The following ZNF560 variants were observed in gnomAD, a reference collection of about 807,000 sequenced individuals.
ZNF560 encodes zinc finger protein 560.
ZNF560 carries 54 observed loss-of-function variants against 81.8 expected under a neutral mutation model. The observed-to-expected ratio is 0.66, with a 90% CI of 0.53 to 0.83. The LOEUF (loss-of-function observed/expected upper bound fraction) is 0.83. Ranked by LOEUF, ZNF560 falls within the 40% of genes least tolerant of loss-of-function variation. The pLI is 0.00. For synonymous variants in ZNF560, 321 were observed against 317.9 expected, an observed-to-expected ratio of 1.01 and a Z score of -0.10; for missense variants, 940 against 932.4, an observed-to-expected ratio of 1.01 and a Z score of -0.11.
In ZNF560 at chr19:9,467,332, T is replaced by C; in HGVS notation, c.1615A>G (p.Thr539Ala). ...ACLRIHMRTH[T>A]EERLYQCKKC... ...TTACATTGATAGAGTCTCTCTTCTG[T>C]GTGAGTTCGCATGTGAATACGAAGA... Residue 539 changes from threonine to alanine, a missense_variant, in exon 10 of 10, where the codon ACA becomes GCA. Transcript: ENST00000301480. The C allele has an allele frequency of 4.3e-6, 7 of 1,614,180 alleles. No homozygotes were observed. The highest frequency in any genetic ancestry group is 5.9e-6 in the Non-Finnish European group (7 of 1,180,030).
the ZNF560 span, among the ~76,000 whole-genome samples, chr19:9,448,140 C>T: frequency 6.6e-6 from 1 of 152,134 alleles, no homozygotes; most frequent in Admixed American, 6.5e-5. Context: ...ATAAACATTT[C>T]TAGAGACAAG....
chr19:9,503,732 G>A, the ZNF560 span, among the ~76,000 whole-genome samples: 1 of 151,948 alleles, frequency 6.6e-6, no homozygotes, highest in Admixed American at 6.6e-5. Context: ...AGAGACAGGG[G>A]TTCACTATGT....
Position 9,470,476 on chromosome 19 carries a change from C to G in ZNF560, c.364G>C (p.Glu122Gln), listed in dbSNP as rs778879413. 36 of 1,614,034 alleles carry G rather than the reference C, an allele frequency of 2.2e-5. No individual in the cohort carries two copies. In the Middle Eastern group the frequency reaches 6.6e-4, roughly 29 times the overall value. ...GCTGGGTCCAGTAAAGTCCACTCTT[C>G]CTGGGTGAACTCCACAGCCACACTG... The part of the protein sequence containing the change: ...FDSVAVEFTQ[E>Q]EWTLLDPAQR... The change falls in exon 7 of 10, where the codon GAA becomes CAA. Residue 122 changes from glutamate (E) to glutamine (Q), a missense_variant. Glu to Gln is a conservative substitution (Grantham distance 29). Coordinates refer to ENST00000301480, the MANE Select transcript of ZNF560 (RefSeq NM_152476.3).
At chr19:9,449,456 GGCAA>G in the ZNF560 span, among the ~76,000 whole-genome samples, 1 of 151,972 alleles carries the variant, frequency 6.6e-6, no homozygotes, top group African/African-American at 2.4e-5. Context: ...AATTAATGAA[GGCAA>G]AAAAACAAGA....
intron 2 of ZNF560, among the ~76,000 whole-genome samples, chr19:9,481,200 G>C (rs1171821802): frequency 6.6e-6 from 1 of 152,108 alleles, no homozygotes; most frequent in Non-Finnish European, 1.5e-5. Context: ...AAATGGTGCT[G>C]GGAAAACTGG....
the ZNF560 span, among the ~76,000 whole-genome samples, chr19:9,455,226 G>A: frequency 2.0e-5 from 3 of 152,110 alleles, no homozygotes; most frequent in African/African-American, 7.2e-5. Flanking sequence ...GTTTAAACAG[G>A]CTATCAATCA....
intron 2 of ZNF560, among the ~76,000 whole-genome samples, chr19:9,478,867 C>A (rs2073242443): frequency 6.6e-6 from 1 of 151,574 alleles, no homozygotes; most frequent in African/African-American, 2.4e-5. Flanking sequence ...AAAAAAAAAC[C>A]CCACAAAACT....
At chr19:9,453,471 G>T in the ZNF560 span, among the ~76,000 whole-genome samples, 4 of 152,090 alleles carry the variant, frequency 2.6e-5, no homozygotes, top group Non-Finnish European at 5.9e-5. Context: ...ACAAGGAAAT[G>T]ATATCAGGAA....
intron 2 of ZNF560, among the ~76,000 whole-genome samples, chr19:9,484,521 C>T (rs2144714466): frequency 6.6e-6 from 1 of 151,966 alleles, no homozygotes; most frequent in South Asian, 2.1e-4. Context: ...GTGGCTCACA[C>T]CTGTAATTCC....
At chr19:9,489,706 C>T (rs563078517) in intron 2 of ZNF560, among the ~76,000 whole-genome samples, 2 of 152,204 alleles carry the variant, frequency 1.3e-5, no homozygotes, top group East Asian at 3.9e-4. Context: ...TCTCCTGCCT[C>T]AGCCTTCTGA....
chr19:9,477,050 A>G (rs1338984369), intron 2 of ZNF560, among the ~76,000 whole-genome samples: 2 of 152,198 alleles, frequency 1.3e-5, no homozygotes, highest in African/African-American at 4.8e-5. Context: ...ATCAGTCATC[A>G]AATACCATAT....
the ZNF560 span, among the ~76,000 whole-genome samples, chr19:9,457,425 G>A: frequency 1.1e-3 from 170 of 152,268 alleles, 1 homozygote; most frequent in African/African-American, 3.9e-3. Context: ...GTTTTAATTG[G>A]AAAGTGTTGC....
At chr19:9,459,462 A>G in the ZNF560 span, among the ~76,000 whole-genome samples, 13 of 152,204 alleles carry the variant, frequency 8.5e-5, no homozygotes, top group African/African-American at 2.2e-4. Flanking sequence ...TTTGGGTGCC[A>G]TTGAGACATC....
Position 9,475,309 on chromosome 19 carries a change from G to A in ZNF560, c.5C>T (p.Ala2Val). 2 of 1,613,776 alleles carry A rather than the reference G, an allele frequency of 1.2e-6. No individual in the cohort carries two copies. The highest frequency in any genetic ancestry group is 1.7e-6 in the Non-Finnish European group (2 of 1,179,932). M[A>V]YCLTNCYQYS... Reference sequence around the variant, plus strand: ...CTGATAACAATTTGTCAGGCAGTAAGCCATCTTCCTTTCTGCCTCTGTCTT... The same window carrying A: ...CTGATAACAATTTGTCAGGCAGTAAACCATCTTCCTTTCTGCCTCTGTCTT... Residue 2 changes from alanine to valine, a missense_variant, in exon 3 of 10, where the codon GCT becomes GTT. Coordinates refer to ENST00000301480, the MANE Select transcript of ZNF560 (RefSeq NM_152476.3).
chr19:9,464,405 A>C (rs1386371525), downstream of ZNF560, among the ~76,000 whole-genome samples: 1 of 152,232 alleles, frequency 6.6e-6, no homozygotes, highest in Non-Finnish European at 1.5e-5. Context: ...GCCTGATAGT[A>C]CAAGAGTTCC....
chr19:9,469,269 T>C, intron 8 of ZNF560, 82 bp from the exon 9 acceptor site: 1 of 1,092,868 alleles, frequency 9.2e-7, no homozygotes, highest in South Asian at 1.6e-5. Context: ...TTTGAACAAT[T>C]TATATATGTC....
At position 9,478,166 on chromosome 19, in the gene ZNF560, T is replaced by C. The variant is rs372341890; in HGVS notation, c.-56-2797A>G. On this transcript the variant is annotated intron_variant, in intron 2 of 9. Coordinates refer to ENST00000301480, the MANE Select transcript of ZNF560 (RefSeq NM_152476.3). ...CATGAAAAAAGATGCAAATCACATA[T>C]GAACGAGTTCCAATAAGGTTATGAG... 1.4e-3 allele frequency among the ~76,000 whole-genome samples: 215 copies of C among 152,228 alleles called. 1 individual carries two copies. The highest frequency in any genetic ancestry group is 4.9e-3 in the African/African-American group (204 of 41,552).
chr19:9,463,553 C>T (rs1450340384), downstream of ZNF560, among the ~76,000 whole-genome samples: 1 of 152,218 alleles, frequency 6.6e-6, no homozygotes, highest in Non-Finnish European at 1.5e-5. Context: ...TTTTGTGTCA[C>T]TGGTAACAGT....
At chr19:9,472,922 C>T (rs927651907) in intron 5 of ZNF560, among the ~76,000 whole-genome samples, 2 of 152,108 alleles carry the variant, frequency 1.3e-5, no homozygotes, top group African/African-American at 2.4e-5. Flanking sequence ...CTTTTACTCC[C>T]TTTCTCATCA....
Sources: gnomAD v4.1 joint callset for allele counts (sites outside exome capture counted in the v4.1 genomes callset) on GRCh38, gnomAD v4.1.1 for gene constraint, MANE v1.5 for transcripts, NCBI Gene and HGNC (gene_info 2026-07-23, HGNC 2026-07-21) for gene names.